The following KCNK2 variants were observed in gnomAD, a reference collection of about 807,000 sequenced individuals.
KCNK2 encodes potassium two pore domain channel subfamily K member 2.
Under a neutral mutation model 40.5 loss-of-function variants are expected in KCNK2, and 21 were observed. The observed-to-expected ratio is 0.52, with a 90% CI of 0.37 to 0.75. The LOEUF (loss-of-function observed/expected upper bound fraction) is 0.75. Among genes scored for constraint, KCNK2 ranks in the 30% least tolerant of loss-of-function variants. The pLI is 0.00. For synonymous variants in KCNK2, 191 were observed against 202.2 expected (o/e 0.94, Z 0.47); for missense variants, 399 against 531.6 (o/e 0.75, Z 2.45).
At chr1:215,225,862 T>C (rs576920241) in intron 6 of KCNK2, among the ~76,000 whole-genome samples, 2 of 152,290 alleles carry the variant, frequency 1.3e-5, no homozygotes, top group African/African-American at 4.8e-5. Context: ...AACAGAACAA[T>C]GGTCCTTACC....
chr1:215,207,381 G>T (rs1665360093), intron 6 of KCNK2, among the ~76,000 whole-genome samples: 1 of 152,158 alleles, frequency 6.6e-6, no homozygotes, highest in South Asian at 2.1e-4. Flanking sequence ...TGAGGTGGAA[G>T]TGTTTCATCC....
At chr1:215,022,845 C>T (rs1472720298) in intron 1 of KCNK2, among the ~76,000 whole-genome samples, 1 of 152,194 alleles carries the variant, frequency 6.6e-6, no homozygotes, top group African/African-American at 2.4e-5. Flanking sequence ...GATTTCACAA[C>T]TTTAATGTTT....
chr1:215,191,139 G>A (rs147509386), intron 5 of KCNK2, among the ~76,000 whole-genome samples: 7 of 151,864 alleles, frequency 4.6e-5, no homozygotes, highest in South Asian at 2.1e-4. Context: ...ACAAAAATTC[G>A]TCAGGCGTGG....
At chr1:215,205,147 T>G (rs975040681) in intron 6 of KCNK2, among the ~76,000 whole-genome samples, 6 of 152,200 alleles carry the variant, frequency 3.9e-5, no homozygotes, top group Admixed American at 6.5e-5. Flanking sequence ...AGATACATAT[T>G]AGGATTGTTA....
chr1:215,170,703 G>A (rs1385119142), intron 4 of KCNK2, among the ~76,000 whole-genome samples: 1 of 152,038 alleles, frequency 6.6e-6, no homozygotes, highest in Non-Finnish European at 1.5e-5. Flanking sequence ...CAAAATTGGA[G>A]TTTTATTCTT....
At chr1:215,070,308 T>C (rs1037558506) in intron 1 of KCNK2, among the ~76,000 whole-genome samples, 2 of 150,114 alleles carry the variant, frequency 1.3e-5, no homozygotes, top group Non-Finnish European at 3.0e-5. Context: ...CCCAGCTACT[T>C]GGGAGGCTGA....
At chr1:215,129,033 G>A (rs1661557604) in intron 3 of KCNK2, among the ~76,000 whole-genome samples, 1 of 152,154 alleles carries the variant, frequency 6.6e-6, no homozygotes, top group East Asian at 1.9e-4. Context: ...CAGGGAAGGA[G>A]GGATGTATTG....
chr1:215,051,654 A>T (rs572127039), intron 1 of KCNK2, among the ~76,000 whole-genome samples: 2 of 152,276 alleles, frequency 1.3e-5, no homozygotes, highest in South Asian at 4.1e-4. Context: ...TATCTGGGGC[A>T]CAACATTCAG....
At chr1:215,189,932 A>G (rs1272663306) in intron 5 of KCNK2, among the ~76,000 whole-genome samples, 1 of 152,198 alleles carries the variant, frequency 6.6e-6, no homozygotes, top group African/African-American at 2.4e-5. Context: ...TTAAGCTAAA[A>G]TACTTATAGG....
At position 215,124,712 on chromosome 1, in the gene KCNK2, G is replaced by T; in HGVS notation, c.437G>T (p.Ser146Ile). 2 of 1,612,264 alleles carry T rather than the reference G, an allele frequency of 1.2e-6. No individual in the cohort carries two copies. Among genetic ancestry groups the T allele is most frequent in the East Asian group, 2.2e-5 (1 of 44,790 alleles). The change falls in exon 3 of 7, where the codon AGT becomes ATT. Residue 146 changes from serine (S) to isoleucine (I), a missense_variant. By Grantham distance (142) the Ser-to-Ile change is moderately radical. Around this residue, in one of 3 missense-constraint regions of KCNK2, gnomAD observed 279 missense variants for 353.8 expected, o/e 0.79. Transcript: ENST00000444842. ...SNQISHWDLG[S>I]SFFFAGTVIT... ...CAAATCAGTCACTGGGATTTGGGAA[G>T]TTCCTTCTTCTTTGCTGGCACTGTT...
At chr1:215,031,452 A>C (rs1365794621) in intron 1 of KCNK2, among the ~76,000 whole-genome samples, 1 of 152,084 alleles carries the variant, frequency 6.6e-6, no homozygotes, top group East Asian at 1.9e-4. Context: ...TTAGGCTTAC[A>C]CCTAAATATT....
At chr1:215,194,193 G>A (rs1201169442) in intron 5 of KCNK2, among the ~76,000 whole-genome samples, 1 of 152,088 alleles carries the variant, frequency 6.6e-6, no homozygotes, top group Non-Finnish European at 1.5e-5. Context: ...CAAAGGGTGT[G>A]TTGAAATGAA....
chr1:215,174,514 A>G (rs955480987), intron 5 of KCNK2, among the ~76,000 whole-genome samples: 6 of 152,178 alleles, frequency 3.9e-5, no homozygotes, highest in Admixed American at 3.3e-4. Flanking sequence ...GAAGAAAGTC[A>G]TTGGTAGCTT....
chr1:215,227,763 A>G (rs1381076167), intron 6 of KCNK2, among the ~76,000 whole-genome samples: 1 of 152,136 alleles, frequency 6.6e-6, no homozygotes, highest in Non-Finnish European at 1.5e-5. Context: ...GGTTTTGACA[A>G]TAGGAATGGA....
At chr1:215,055,067 A>G (rs1658110255) in intron 1 of KCNK2, among the ~76,000 whole-genome samples, 1 of 152,258 alleles carries the variant, frequency 6.6e-6, no homozygotes, top group Non-Finnish European at 1.5e-5. Context: ...ATAACTTATT[A>G]TTAAATCTAA....
At chr1:215,007,527 G>C (rs1656222917) in intron 1 of KCNK2, among the ~76,000 whole-genome samples, 1 of 151,980 alleles carries the variant, frequency 6.6e-6, no homozygotes, top group South Asian at 2.1e-4. Context: ...TCAAGCTACA[G>C]ATGCCATCTC....
rs558715569 is a variant in KCNK2 at position 215,126,219 on chromosome 1, T to G, written c.475+1469T>G. 2.0e-5 allele frequency among the ~76,000 whole-genome samples: 3 copies of G among 152,290 alleles called. No homozygotes were observed. In the East Asian group the frequency reaches 5.8e-4, roughly 29 times the overall value. ...ATTTGTACTGTTCTATTGTTATGAG[T>G]CCACTATAGTGCCTCTTTGCGCTGG... On this transcript the variant is annotated intron_variant, in intron 3 of 6. Transcript: ENST00000444842.
intron 2 of KCNK2, among the ~76,000 whole-genome samples, chr1:215,111,793 T>C (rs1310348466): frequency 1.3e-5 from 2 of 151,766 alleles, no homozygotes; most frequent in Non-Finnish European, 2.9e-5. Context: ...CCTGTTTCTT[T>C]ATGTGCCTTG....
At chr1:215,142,228 C>T (rs1324136787) in intron 3 of KCNK2, among the ~76,000 whole-genome samples, 3 of 151,818 alleles carry the variant, frequency 2.0e-5, no homozygotes, top group South Asian at 2.1e-4. Flanking sequence ...GTTGGCTTTA[C>T]GTTTTATTCT....
Sources: gnomAD v4.1 joint callset for allele counts (sites outside exome capture counted in the v4.1 genomes callset) on GRCh38, gnomAD v4.1.1 for gene constraint, gnomAD v4.1.1 regional missense constraint, MANE v1.5 for transcripts, NCBI Gene and HGNC (gene_info 2026-07-23, HGNC 2026-07-21) for gene names.